ACCSL: variants seen among roughly 807,000 people sequenced by gnomAD.
The protein encoded by ACCSL is probable inactive 1-aminocyclopropane-1-carboxylate synthase-like protein 2.
ACCSL carries 55 observed loss-of-function variants against 61.7 expected under a neutral mutation model. The observed-to-expected ratio is 0.89, with a 90% CI of 0.72 to 1.12. The LOEUF (loss-of-function observed/expected upper bound fraction) is 1.12. Ranked by LOEUF, ACCSL falls within the 50% of genes most tolerant of loss-of-function variation. The pLI is 0.00. For synonymous variants in ACCSL, 258 were observed against 264.3 expected, an observed-to-expected ratio of 0.98 and a Z score of 0.23; for missense variants, 632 against 698.0, an observed-to-expected ratio of 0.91 and a Z score of 1.07.
upstream of ACCSL, chr11:44,047,970 A>T: frequency 6.5e-7 from 1 of 1,545,834 alleles, no homozygotes; most frequent in Non-Finnish European, 8.7e-7. Flanking sequence ...CCTTTGCTCC[A>T]TTGTCAATGG....
At chr11:43,923,120 C>A in the ACCSL span, among the ~76,000 whole-genome samples, 20 of 152,196 alleles carry the variant, frequency 1.3e-4, no homozygotes, top group Non-Finnish European at 2.5e-4. Flanking sequence ...TCTGTCTGGA[C>A]ACAGTCACTA....
chr11:44,039,020 T>C, the ACCSL span, among the ~76,000 whole-genome samples: 1 of 152,224 alleles, frequency 6.6e-6, no homozygotes, highest in Non-Finnish European at 1.5e-5. Flanking sequence ...TCAGGGGATT[T>C]ATTTCTTCAT....
At chr11:43,937,920 G>T in the ACCSL span, among the ~76,000 whole-genome samples, 2 of 152,216 alleles carry the variant, frequency 1.3e-5, no homozygotes, top group Non-Finnish European at 2.9e-5. Flanking sequence ...TGATGGTGCT[G>T]CTATCTTTAA....
In ACCSL at chr11:44,052,962, A is replaced by T. The variant is rs748764821; in HGVS notation, c.871-29A>T. On this transcript the variant is annotated intron_variant, in intron 6 of 13. Coordinates refer to ENST00000378832, the MANE Select transcript of ACCSL (RefSeq NM_001031854.2). ...GGAATCAAGACTTAGATTTTAAGAG[A>T]CACTTCTCACATAGTGTTTCTCTTC... is the stretch of plus-strand genomic sequence containing the variant. 4.4e-6 allele frequency: 7 copies of T among 1,600,384 alleles called. No individual in the cohort carries two copies. The South Asian group carries it at 7.7e-5, about 18-fold the overall frequency.
chr11:44,012,735 G>A, the ACCSL span, among the ~76,000 whole-genome samples: 1 of 152,208 alleles, frequency 6.6e-6, no homozygotes, highest in Non-Finnish European at 1.5e-5. Context: ...GATGTTCATT[G>A]CAGTGTTTTT....
the ACCSL span, among the ~76,000 whole-genome samples, chr11:43,997,930 C>T: frequency 6.6e-6 from 1 of 152,306 alleles, no homozygotes; most frequent in East Asian, 1.9e-4. Context: ...AGGTAGGAAA[C>T]AGGTGCTGGC....
the ACCSL span, among the ~76,000 whole-genome samples, chr11:44,005,610 TC>T: frequency 6.6e-6 from 1 of 152,106 alleles, no homozygotes; most frequent in Admixed American, 6.6e-5. Flanking sequence ...GGCACTGTGC[TC>T]CGTGCTTTGC....
At chr11:44,006,186 C>T in the ACCSL span, among the ~76,000 whole-genome samples, 1 of 152,216 alleles carries the variant, frequency 6.6e-6, no homozygotes, top group Non-Finnish European at 1.5e-5. Flanking sequence ...CAGGGCCTGG[C>T]TAGACCCTTA....
At chr11:43,961,574 A>G in the ACCSL span, among the ~76,000 whole-genome samples, 1 of 152,130 alleles carries the variant, frequency 6.6e-6, no homozygotes, top group South Asian at 2.1e-4. Context: ...AGCTGCTACC[A>G]TGCTAATGGG....
At chr11:43,962,633 A>G in the ACCSL span, among the ~76,000 whole-genome samples, 4 of 152,240 alleles carry the variant, frequency 2.6e-5, no homozygotes, top group African/African-American at 9.6e-5. Context: ...TTTTACGCCT[A>G]TTATTCAACA....
chr11:44,034,888 A>G, the ACCSL span, among the ~76,000 whole-genome samples: 1 of 152,228 alleles, frequency 6.6e-6, no homozygotes, highest in African/African-American at 2.4e-5. Context: ...GGCAATGAGT[A>G]ACTCACACAG....
At chr11:44,000,814 G>T in the ACCSL span, among the ~76,000 whole-genome samples, 1 of 151,942 alleles carries the variant, frequency 6.6e-6, no homozygotes, top group South Asian at 2.1e-4. Flanking sequence ...TATACAAATA[G>T]TATGCCATTT....
chr11:44,051,813 T>G (rs1952641464), intron 5 of ACCSL, 94 bp downstream of exon 5: 1 of 1,469,770 alleles, frequency 6.8e-7, no homozygotes, highest in Admixed American at 1.7e-5. Context: ...AAGAGCATCC[T>G]GACTCAAGGC....
At chr11:43,943,531 G>T in the ACCSL span, 3 of 1,327,868 alleles carry the variant, frequency 2.3e-6, no homozygotes, top group South Asian at 3.7e-5. The surrounding 1 kb of genome is among the most constrained non-coding windows in gnomAD (Gnocchi z 4.8). Context: ...TTCCCAGTGC[G>T]AACTCTGCTG....
At chr11:43,974,555 A>C in the ACCSL span, among the ~76,000 whole-genome samples, 1 of 152,328 alleles carries the variant, frequency 6.6e-6, no homozygotes, top group South Asian at 2.1e-4. Context: ...TACCTTTTGC[A>C]TGGAGACAGA....
At position 44,048,088 on chromosome 11, in the gene ACCSL, C is replaced by T. The variant is rs899402486; in HGVS notation, c.52C>T (p.Arg18Trp). 1.4e-5 allele frequency: 22 copies of T among 1,613,984 alleles called. No homozygotes were observed. The highest frequency in any genetic ancestry group is 1.6e-4 in the Middle Eastern group (1 of 6,084). ...TGTGCCCTCTGGTCAGAGGAGAGGC[C>T]GGGTCCCCAGAGACCACAGCATCTA... ...LPVPSGQRRG[R>W]VPRDHSIYTQ... The change falls in exon 1 of 14, where the codon CGG becomes TGG. Residue 18 changes from arginine to tryptophan, a missense_variant. Physicochemically the swap from Arg to Trp is moderately radical, Grantham distance 101 (BLOSUM62 -3). Coordinates refer to ENST00000378832, the MANE Select transcript of ACCSL (RefSeq NM_001031854.2).
chr11:43,925,252 C>T, the ACCSL span: 53 of 392,954 alleles, frequency 1.3e-4, no homozygotes, highest in African/African-American at 8.6e-4. Context: ...TGTGGGGTGT[C>T]GGTAGGGGAC....
chr11:43,945,680 CAAA>C, the ACCSL span: 11,163 of 129,288 alleles, frequency 0.086, 475 homozygotes, highest in East Asian at 0.11. Flanking sequence ...CCTATCTCTA[CAAA>C]AAAAAAAAAA....
At chr11:43,943,309 G>A in the ACCSL span, 1 of 1,442,422 alleles carries the variant, frequency 6.9e-7, no homozygotes, top group Non-Finnish European at 9.1e-7. This position sits in a 1 kb window ranked among gnomAD's most constrained non-coding sequence, Gnocchi z 4.8. Context: ...GCGCGTCCGC[G>A]GTCCGCGCGG....
Sources: gnomAD v4.1 joint callset for allele counts (sites outside exome capture counted in the v4.1 genomes callset) on GRCh38, gnomAD v4.1.1 for gene constraint, Gnocchi (gnomAD v3.1) non-coding constraint, MANE v1.5 for transcripts, NCBI Gene and HGNC (gene_info 2026-07-23, HGNC 2026-07-21) for gene names.